Variants in DMXL2 observed in about 807,000 individuals in gnomAD.
The protein encoded by DMXL2 is dmX-like protein 2.
A neutral mutation model predicts 331.1 loss-of-function variants in DMXL2; 103 were observed. That is an observed-to-expected ratio of 0.31 (90% CI 0.27 to 0.37). DMXL2 has a LOEUF of 0.37. Among genes scored for constraint, DMXL2 ranks in the 10% least tolerant of loss-of-function variants. DMXL2 has a pLI of 1.00. For missense variants in DMXL2, 3,171 were observed against 3,642.9 expected (o/e 0.87, Z 3.33); for synonymous variants, 1,281 against 1,252.1 (o/e 1.02, Z -0.49).
chr15:51,479,342 C>T (rs1232316359), intron 25 of DMXL2, among the ~76,000 whole-genome samples: 1 of 152,196 alleles, frequency 6.6e-6, no homozygotes, highest in Admixed American at 6.5e-5. Flanking sequence ...CACAAATACA[C>T]TCAGGCTGGG....
At chr15:51,589,278 A>G (rs2052105675) in intron 1 of DMXL2, among the ~76,000 whole-genome samples, 1 of 152,202 alleles carries the variant, frequency 6.6e-6, no homozygotes, top group Non-Finnish European at 1.5e-5. Flanking sequence ...TCAGAAGCAA[A>G]TAGATCAGAT....
intron 8 of DMXL2, among the ~76,000 whole-genome samples, chr15:51,544,026 T>G (rs1050105836): frequency 1.3e-5 from 2 of 152,178 alleles, no homozygotes; most frequent in African/African-American, 4.8e-5. Context: ...CTACTAAATA[T>G]CAATATCAAA....
chr15:51,608,095 G>A lies in DMXL2; in HGVS notation c.87+14364C>T, dbSNP rs145038225. Among the ~76,000 whole-genome samples, 10 of 152,044 alleles carry A rather than the reference G, an allele frequency of 6.6e-5. No individual in the cohort carries two copies. In the East Asian group the frequency reaches 1.9e-3, roughly 29 times the overall value. ...AGCTACTTGGGAGGCTGAGGCAGGA[G>A]AACCACGTGAACCTGGGAGGCGGAG... On this transcript the variant is annotated intron_variant, in intron 1 of 43. Transcript: ENST00000560891.
chr15:51,459,523 G>A (rs2039944763), intron 34 of DMXL2, 75 bp downstream of exon 34: 1 of 1,214,908 alleles, frequency 8.2e-7, no homozygotes, highest in Non-Finnish European at 1.1e-6. Context: ...GGCAGGTCAT[G>A]GTTAGTATCA....
intron 25 of DMXL2, 92 bp from the exon 26 acceptor site, chr15:51,478,439 C>A: frequency 9.2e-7 from 1 of 1,086,038 alleles, no homozygotes; most frequent in Non-Finnish European, 1.4e-6. Context: ...GGAAACCTAG[C>A]AACATCATAA....
intron 41 of DMXL2, among the ~76,000 whole-genome samples, chr15:51,452,011 C>T (rs1217423633): frequency 6.6e-6 from 1 of 152,136 alleles, no homozygotes; most frequent in East Asian, 1.9e-4. Flanking sequence ...TGCAGGGAAA[C>T]AAGATGTTAT....
intron 15 of DMXL2, among the ~76,000 whole-genome samples, chr15:51,508,858 A>G (rs1168316493): frequency 1.3e-5 from 2 of 152,194 alleles, no homozygotes; most frequent in Non-Finnish European, 1.5e-5. Flanking sequence ...TAAATAAATG[A>G]GAACTGATAA....
intron 1 of DMXL2, among the ~76,000 whole-genome samples, chr15:51,602,660 C>T (rs2053307634): frequency 6.6e-6 from 1 of 152,154 alleles, no homozygotes. Flanking sequence ...GAGACCACTG[C>T]CCAGGTTCCA....
chr15:51,532,407 G>A (rs2048052238), intron 13 of DMXL2, among the ~76,000 whole-genome samples: 1 of 152,044 alleles, frequency 6.6e-6, no homozygotes, highest in South Asian at 2.1e-4. Context: ...TTGGCAGGGA[G>A]GTAGGGATGG....
chr15:51,583,441 A>G (rs2051624905), intron 1 of DMXL2, among the ~76,000 whole-genome samples: 1 of 54,330 alleles, frequency 1.8e-5, no homozygotes, highest in Non-Finnish European at 3.7e-5. Flanking sequence ...CCATGTCCCT[A>G]CAAAGGATAT....
At chr15:51,459,421 C>T (rs1437455558) in intron 34 of DMXL2, among the ~76,000 whole-genome samples, 177 bp downstream of exon 34, 1 of 152,154 alleles carries the variant, frequency 6.6e-6, no homozygotes, top group African/African-American at 2.4e-5. Flanking sequence ...AAGGGCAAGA[C>T]AGAGCAAGCC....
At chr15:51,508,227 G>A (rs1292341079) in intron 15 of DMXL2, among the ~76,000 whole-genome samples, 2 of 152,124 alleles carry the variant, frequency 1.3e-5, no homozygotes, top group African/African-American at 4.8e-5. Flanking sequence ...ACCTAACATA[G>A]ATGACAGGTT....
chr15:51,482,401 A>G (rs927406352), intron 23 of DMXL2, among the ~76,000 whole-genome samples: 3 of 152,204 alleles, frequency 2.0e-5, no homozygotes, highest in African/African-American at 7.2e-5. Context: ...ACATTTCATT[A>G]TAAGACACAA....
chr15:51,513,992 T>A (rs1230641163), intron 15 of DMXL2, among the ~76,000 whole-genome samples: 1 of 152,170 alleles, frequency 6.6e-6, no homozygotes, highest in Non-Finnish European at 1.5e-5. Context: ...AACTGTGAGA[T>A]GGTACCTTGC....
Position 51,545,701 on chromosome 15 carries a change from G to C in DMXL2, c.812C>G (p.Thr271Ser), listed in dbSNP as rs563619175. The part of the protein sequence containing the change: ...HDGVCRLWAE[T>S]LLPEDCLLGE... ...CAAAAGACAGTCTTCTGGTAATAAA[G>C]TTTCTGCCCAGAGCCGGCACACACC... is the stretch of plus-strand genomic sequence containing the variant. Residue 271 changes from threonine (T) to serine (S), a missense_variant, in exon 8 of 44, where the codon ACT becomes AGT. This residue lies in a region of DMXL2 where 1,674 missense variants were observed against 1,780.2 expected (regional missense o/e 0.94). Transcript: ENST00000560891. The C allele has an allele frequency of 7.4e-5, 120 of 1,613,556 alleles. No homozygotes were observed. Among genetic ancestry groups the C allele is most frequent in the Non-Finnish European group, 1.0e-4 (120 of 1,179,728 alleles).
chr15:51,474,212 T>G, intron 28 of DMXL2, 132 bp downstream of exon 28: 1 of 747,684 alleles, frequency 1.3e-6, no homozygotes, highest in East Asian at 2.8e-5. Context: ...AATTATTTGC[T>G]GTCATAACAA....
intron 1 of DMXL2, among the ~76,000 whole-genome samples, chr15:51,580,416 T>C (rs1033639516): frequency 1.3e-5 from 2 of 152,266 alleles, no homozygotes; most frequent in Non-Finnish European, 1.5e-5. Context: ...ATGTGGGAGA[T>C]AGGCCACAGG....
chr15:51,621,069 A>T (rs2054595145), intron 1 of DMXL2, among the ~76,000 whole-genome samples: 1 of 149,728 alleles, frequency 6.7e-6, no homozygotes, highest in African/African-American at 2.5e-5. Flanking sequence ...ACTACTGGGG[A>T]ACAGGGAAAT....
intron 1 of DMXL2, among the ~76,000 whole-genome samples, chr15:51,622,221 T>G (rs1013819369): frequency 6.6e-6 from 1 of 152,016 alleles, no homozygotes. Flanking sequence ...TTGCTTGGGG[T>G]GGAGAGTGCG....
Sources: allele counts gnomAD v4.1 joint callset (sites outside exome capture counted in the v4.1 genomes callset), GRCh38; gene constraint gnomAD v4.1.1; regional missense constraint gnomAD v4.1.1; transcripts MANE v1.5; gene names NCBI Gene and HGNC (gene_info 2026-07-23, HGNC 2026-07-21).